SGMS1: variants seen among roughly 807,000 people sequenced by gnomAD.
SGMS1 encodes phosphatidylcholine:ceramide cholinephosphotransferase 1.
A neutral mutation model predicts 46.2 loss-of-function variants in SGMS1; 13 were observed. The observed-to-expected ratio is 0.28, with a 90% confidence interval of 0.18 to 0.45. The LOEUF is 0.45. Among genes scored for constraint, SGMS1 ranks in the 20% least tolerant of loss-of-function variants. The probability of loss-of-function intolerance (pLI) is 1.00; values close to 1 mark genes in which losing one functional copy is unlikely to be tolerated. For missense variants in SGMS1, 324 were observed against 519.9 expected (o/e 0.62, Z 3.66); for synonymous variants, 203 against 187.8 (o/e 1.08, Z -0.66).
intron 6 of SGMS1, among the ~76,000 whole-genome samples, chr10:50,422,240 G>A (rs760111130): frequency 6.6e-6 from 1 of 152,046 alleles, no homozygotes; most frequent in Non-Finnish European, 1.5e-5. Flanking sequence ...TATCCCCCAG[G>A]GCCTAGCAGA....
intron 1 of SGMS1, among the ~76,000 whole-genome samples, chr10:50,596,761 G>A (rs1466720577): frequency 1.3e-5 from 2 of 152,168 alleles, no homozygotes; most frequent in Non-Finnish European, 2.9e-5. Context: ...CAGATCTCCT[G>A]CTCAGCATGT....
chr10:50,363,899 G>A (rs1433099034), intron 6 of SGMS1, among the ~76,000 whole-genome samples: 1 of 151,506 alleles, frequency 6.6e-6, no homozygotes, highest in Non-Finnish European at 1.5e-5. Flanking sequence ...AAATATAAAA[G>A]CCAGAGATGA....
chr10:50,430,762 A>T (rs1429216185), intron 6 of SGMS1, among the ~76,000 whole-genome samples: 1 of 152,114 alleles, frequency 6.6e-6, no homozygotes, highest in Non-Finnish European at 1.5e-5. Context: ...AATACCTACC[A>T]CATTCAGTTT....
intron 5 of SGMS1, among the ~76,000 whole-genome samples, chr10:50,457,750 C>G (rs1837210997): frequency 6.6e-6 from 1 of 152,100 alleles, no homozygotes; most frequent in Non-Finnish European, 1.5e-5. Flanking sequence ...TGATTTCATT[C>G]TTTTTTATGG....
At chr10:50,494,825 G>A (rs200015366) in intron 3 of SGMS1, among the ~76,000 whole-genome samples, 11 of 151,830 alleles carry the variant, frequency 7.2e-5, no homozygotes, top group African/African-American at 2.2e-4. Flanking sequence ...TCACGAGGTC[G>A]GGAGATCGAG....
chr10:50,565,620 GC>G (rs1293377376), intron 2 of SGMS1, among the ~76,000 whole-genome samples: 1 of 152,150 alleles, frequency 6.6e-6, no homozygotes, highest in African/African-American at 2.4e-5. Context: ...CTTCATTTCT[GC>G]CACAAGCTGC....
intron 6 of SGMS1, among the ~76,000 whole-genome samples, chr10:50,353,664 T>C (rs1166579111): frequency 6.6e-6 from 1 of 152,404 alleles, no homozygotes; most frequent in Non-Finnish European, 1.5e-5. Flanking sequence ...TGTTTGCAGA[T>C]GACATGATTT....
intron 6 of SGMS1, among the ~76,000 whole-genome samples, chr10:50,365,501 G>T (rs574066032): frequency 8.5e-5 from 13 of 152,064 alleles, no homozygotes; most frequent in African/African-American, 3.1e-4. Flanking sequence ...GTGCCATGGT[G>T]GTCTGCGGTA....
chr10:50,382,751 T>C (rs1213058403), intron 6 of SGMS1, among the ~76,000 whole-genome samples: 1 of 152,120 alleles, frequency 6.6e-6, no homozygotes, highest in African/African-American at 2.4e-5. Flanking sequence ...ATCCCTGAAA[T>C]AGTCCTGGTC....
intron 6 of SGMS1, among the ~76,000 whole-genome samples, chr10:50,371,502 T>C (rs940958306): frequency 4.0e-4 from 61 of 152,242 alleles, no homozygotes; most frequent in Admixed American, 3.8e-3. Flanking sequence ...TATTTCATAT[T>C]GTACAAGACC....
intron 2 of SGMS1, among the ~76,000 whole-genome samples, chr10:50,571,658 T>A (rs1838337767): frequency 6.6e-6 from 1 of 152,192 alleles, no homozygotes; most frequent in Non-Finnish European, 1.5e-5. Flanking sequence ...ACTAGACATA[T>A]CTAATGTGCA....
chr10:50,598,722 T>C (rs1838620046), intron 1 of SGMS1, among the ~76,000 whole-genome samples: 1 of 152,166 alleles, frequency 6.6e-6, no homozygotes, highest in Non-Finnish European at 1.5e-5. Context: ...TTTCACCAAA[T>C]GAGTGACTCC....
intron 6 of SGMS1, among the ~76,000 whole-genome samples, chr10:50,431,385 G>A (rs532712931): frequency 6.6e-6 from 1 of 152,280 alleles, no homozygotes; most frequent in South Asian, 2.1e-4. Flanking sequence ...AAATATCCAA[G>A]GCATTTTTGT....
chr10:50,357,075 A>T (rs528971561), intron 6 of SGMS1, among the ~76,000 whole-genome samples: 112 of 139,982 alleles, frequency 8.0e-4, no homozygotes, highest in East Asian at 8.0e-3. Flanking sequence ...AAAGTATAAT[A>T]AAAAAAAAAA....
intron 2 of SGMS1, among the ~76,000 whole-genome samples, chr10:50,558,488 C>T (rs1435900493): frequency 1.3e-5 from 2 of 152,150 alleles, no homozygotes; most frequent in Non-Finnish European, 2.9e-5. Context: ...CCAAACATTA[C>T]AATGAAAATG....
At chr10:50,515,913 C>G (rs1158152664) in intron 3 of SGMS1, among the ~76,000 whole-genome samples, 1 of 152,140 alleles carries the variant, frequency 6.6e-6, no homozygotes, top group Non-Finnish European at 1.5e-5. Flanking sequence ...GGCAATTCCT[C>G]AAAGAATCTC....
At chr10:50,464,471 C>T (rs139609605) in intron 4 of SGMS1, among the ~76,000 whole-genome samples, 55 of 152,298 alleles carry the variant, frequency 3.6e-4, no homozygotes, top group South Asian at 8.3e-4. Flanking sequence ...GTCTCTCTGT[C>T]GCCCAGGCTG....
intron 6 of SGMS1, among the ~76,000 whole-genome samples, chr10:50,417,185 T>G (rs2133586472): frequency 6.6e-6 from 1 of 152,184 alleles, no homozygotes; most frequent in East Asian, 1.9e-4. Context: ...GTCCCCTACT[T>G]CCCCAAACTC....
chr10:50,585,416 C>A (rs973749858), intron 2 of SGMS1, among the ~76,000 whole-genome samples: 1 of 152,150 alleles, frequency 6.6e-6, no homozygotes, highest in Non-Finnish European at 1.5e-5. Flanking sequence ...CTCCTCATTA[C>A]GGAAGCAAAA....
Sources: allele counts gnomAD v4.1 joint callset (sites outside exome capture counted in the v4.1 genomes callset), GRCh38; gene constraint gnomAD v4.1.1; transcripts MANE v1.5; gene names NCBI Gene and HGNC (gene_info 2026-07-23, HGNC 2026-07-21).